The following PARD3B variants were observed in gnomAD, a reference collection of about 807,000 sequenced individuals.
PARD3B encodes par-3 family cell polarity regulator beta.
PARD3B carries 103 observed loss-of-function variants against 130.2 expected under a neutral mutation model. The ratio of observed to expected loss-of-function variants is 0.79; its 90% CI spans 0.67 to 0.93. The LOEUF is 0.93. PARD3B is among the 40% of genes least tolerant of loss of function. The pLI is 0.00. For synonymous variants in PARD3B, 583 were observed against 553.2 expected (o/e 1.05, Z -0.76); for missense variants, 1,609 against 1,499.2 (o/e 1.07, Z -1.21).
At chr2:204,968,542 C>T (rs1194893225) in intron 3 of PARD3B, among the ~76,000 whole-genome samples, 1 of 152,228 alleles carries the variant, frequency 6.6e-6, no homozygotes, top group Non-Finnish European at 1.5e-5. Context: ...GTCACCTTAA[C>T]TTGCAGCCAC....
At chr2:204,873,142 A>G (rs573998667) in intron 2 of PARD3B, among the ~76,000 whole-genome samples, 1 of 152,342 alleles carries the variant, frequency 6.6e-6, no homozygotes, top group Admixed American at 6.5e-5. Context: ...GAAAGACCTG[A>G]GCAGTGAAGC....
intron 2 of PARD3B, among the ~76,000 whole-genome samples, chr2:204,811,651 T>C (rs528374659): frequency 1.3e-5 from 2 of 152,282 alleles, no homozygotes; most frequent in African/African-American, 4.8e-5. Flanking sequence ...GGAATGTAAT[T>C]GTCTGCATAA....
intron 2 of PARD3B, among the ~76,000 whole-genome samples, chr2:204,718,207 T>C (rs531997183): frequency 6.6e-6 from 1 of 152,322 alleles, no homozygotes; most frequent in African/African-American, 2.4e-5. Context: ...AGTGTCTATA[T>C]GCTTTCTCTC....
intron 4 of PARD3B, among the ~76,000 whole-genome samples, chr2:205,083,297 A>T (rs77306102): frequency 0.015 from 2,352 of 151,870 alleles, 62 homozygotes; most frequent in African/African-American, 0.054. Flanking sequence ...TTCAAAAGAT[A>T]CATAACCTCA....
At chr2:204,660,823 T>C (rs2035782873) in intron 1 of PARD3B, among the ~76,000 whole-genome samples, 1 of 152,248 alleles carries the variant, frequency 6.6e-6, no homozygotes, top group Non-Finnish European at 1.5e-5. Context: ...AGAAAGGTGC[T>C]ATGAAAATCT....
chr2:204,966,969 C>A (rs1691312325), intron 3 of PARD3B, among the ~76,000 whole-genome samples: 1 of 152,282 alleles, frequency 6.6e-6, no homozygotes, highest in South Asian at 2.1e-4. Flanking sequence ...AGTAACTCAG[C>A]AGAAATCCCA....
chr2:205,505,883 A>C (rs1052675548), intron 21 of PARD3B, among the ~76,000 whole-genome samples: 9 of 152,130 alleles, frequency 5.9e-5, no homozygotes, highest in African/African-American at 1.9e-4. Context: ...AACCTTTTTA[A>C]AAAAAAATTC....
At chr2:204,568,848 G>A (rs946576145) in intron 1 of PARD3B, among the ~76,000 whole-genome samples, 1 of 151,800 alleles carries the variant, frequency 6.6e-6, no homozygotes, top group Non-Finnish European at 1.5e-5. Context: ...CCGACTACTC[G>A]GGGGGCTGAG....
At chr2:205,601,416 A>T (rs2054780410) in intron 22 of PARD3B, among the ~76,000 whole-genome samples, 1 of 152,208 alleles carries the variant, frequency 6.6e-6, no homozygotes, top group South Asian at 2.1e-4. Flanking sequence ...TCAGATGAAT[A>T]GACTGCAAAA....
rs1267546985 is a variant in PARD3B at position 205,550,976 on chromosome 2, T to TATATACAC, written c.3181-2347_3181-2346insTATACACA. ...ATGTGTATATATATATATATATATA[T>TATATACAC]ACACACACACACACACACACACACA... On this transcript the variant is annotated intron_variant, in intron 21 of 22. Transcript: ENST00000406610. This position sits in a 1 kb window ranked among gnomAD's most constrained non-coding sequence, Gnocchi z 4.5. Among the ~76,000 whole-genome samples the TATATACAC allele has an allele frequency of 8.0e-6, 1 of 125,600 alleles. No individual in the cohort carries two copies. The highest frequency in any genetic ancestry group is 1.6e-5 in the Non-Finnish European group (1 of 61,128). The allele number at this position is 125,600 out of a possible 152,430, so 82.4% of individuals were successfully genotyped here. A position where few individuals can be genotyped will look rare whatever the true frequency, so the allele number is the denominator to read the frequency against.
intron 12 of PARD3B, among the ~76,000 whole-genome samples, chr2:205,175,344 T>C (rs1043879870): frequency 2.0e-5 from 3 of 152,206 alleles, no homozygotes; most frequent in African/African-American, 7.2e-5. Context: ...TGACTAGCAG[T>C]TCAGAAGAAA....
intron 18 of PARD3B, among the ~76,000 whole-genome samples, chr2:205,318,829 T>C (rs1270349921): frequency 6.6e-6 from 1 of 152,140 alleles, no homozygotes; most frequent in Non-Finnish European, 1.5e-5. Context: ...AGCATCTTAG[T>C]GTCAACAACA....
chr2:204,655,781 G>C (rs1428426269), intron 1 of PARD3B, among the ~76,000 whole-genome samples: 1 of 152,066 alleles, frequency 6.6e-6, no homozygotes, highest in Non-Finnish European at 1.5e-5. Context: ...AGTAGCTTAA[G>C]TGATAATCAT....
At chr2:204,737,225 A>C (rs2039798391) in intron 2 of PARD3B, among the ~76,000 whole-genome samples, 1 of 152,194 alleles carries the variant, frequency 6.6e-6, no homozygotes, top group Non-Finnish European at 1.5e-5. Flanking sequence ...GGGCCTCCCA[A>C]AGTGCTGGGA....
intron 2 of PARD3B, among the ~76,000 whole-genome samples, chr2:204,884,968 A>C (rs1479230392): frequency 1.3e-5 from 2 of 152,196 alleles, no homozygotes; most frequent in Non-Finnish European, 2.9e-5. Flanking sequence ...TAACAGAATT[A>C]TTTATAATCC....
At position 205,253,970 on chromosome 2, in the gene PARD3B, A is replaced by G. The variant is rs1414826007; in HGVS notation, c.2185+8148A>G. On this transcript the variant is annotated intron_variant, in intron 16 of 22. Transcript: ENST00000406610. The surrounding 1 kb of genome is among the most constrained non-coding windows in gnomAD (Gnocchi z 4.4). ...GAAAATGAACAGTATTTTGTCAACC[A>G]TGGAAGGATAGTTGGACTCAAGAAG... Among the ~76,000 whole-genome samples the G allele has an allele frequency of 6.6e-6, 1 of 151,886 alleles. No homozygotes were observed. Among genetic ancestry groups the G allele is most frequent in the African/African-American group, 2.4e-5 (1 of 41,354 alleles).
chr2:205,545,714 A>G (rs974879489), intron 21 of PARD3B, among the ~76,000 whole-genome samples: 6 of 152,168 alleles, frequency 3.9e-5, no homozygotes, highest in East Asian at 3.9e-4. Flanking sequence ...GTCCTAACCT[A>G]TAGAAACTGG....
chr2:204,559,304 G>A (rs1008156709), intron 1 of PARD3B, among the ~76,000 whole-genome samples: 2 of 152,082 alleles, frequency 1.3e-5, no homozygotes, highest in African/African-American at 4.8e-5. Flanking sequence ...CTGACAAAGG[G>A]CTAATATCCA....
chr2:205,376,328 A>G (rs1372601265), intron 18 of PARD3B, among the ~76,000 whole-genome samples: 3 of 151,240 alleles, frequency 2.0e-5, no homozygotes, highest in Admixed American at 6.6e-5. Flanking sequence ...GGAGTTGAGG[A>G]AACAGTGAAA....
Sources: gnomAD v4.1 joint callset for allele counts (sites outside exome capture counted in the v4.1 genomes callset) on GRCh38, gnomAD v4.1.1 for gene constraint, Gnocchi (gnomAD v3.1) non-coding constraint, MANE v1.5 for transcripts, NCBI Gene and HGNC (gene_info 2026-07-23, HGNC 2026-07-21) for gene names.